IFT81: variants seen among roughly 807,000 people sequenced by gnomAD.
The protein encoded by IFT81 is intraflagellar transport protein 81 homolog.
Under a neutral mutation model 102.6 loss-of-function variants are expected in IFT81, and 72 were observed. That is an observed-to-expected ratio of 0.70 (90% CI 0.58 to 0.85). The LOEUF is 0.85. IFT81 is among the 40% of genes least tolerant of loss of function. IFT81 has a pLI of 0.00. For missense variants in IFT81, 723 were observed against 787.3 expected (o/e 0.92, Z 0.98); for synonymous variants, 237 against 242.7 (o/e 0.98, Z 0.22).
intron 12 of IFT81, among the ~76,000 whole-genome samples, chr12:110,183,523 G>T: frequency 6.6e-6 from 1 of 152,212 alleles, no homozygotes; most frequent in East Asian, 1.9e-4. Flanking sequence ...CATTCTGTTT[G>T]TGAGTCCATT....
At chr12:110,209,642 G>A (rs1041349697) in intron 18 of IFT81, among the ~76,000 whole-genome samples, 1 of 151,720 alleles carries the variant, frequency 6.6e-6, no homozygotes, top group Non-Finnish European at 1.5e-5. Context: ...GGTGGCAGGC[G>A]CCTGTAATCC....
At chr12:110,151,672 G>A (rs1895537381) in intron 10 of IFT81, among the ~76,000 whole-genome samples, 1 of 152,046 alleles carries the variant, frequency 6.6e-6, no homozygotes, top group South Asian at 2.1e-4. Context: ...TTTGTGGTGA[G>A]AACACTTAAC....
chr12:110,179,771 T>TACAC (rs1180642058), intron 11 of IFT81, among the ~76,000 whole-genome samples: 48 of 52,670 alleles, frequency 9.1e-4, no homozygotes, highest in Non-Finnish European at 1.5e-3. Context: ...TATATATATA[T>TACAC]ATACACACAC....
intron 14 of IFT81, among the ~76,000 whole-genome samples, chr12:110,196,438 T>G (rs1052755820): frequency 2.0e-5 from 3 of 152,220 alleles, no homozygotes; most frequent in African/African-American, 7.2e-5. Context: ...CAGAATCGCT[T>G]GAACCTGGGA....
chr12:110,134,266 T>C (rs1030524352), intron 5 of IFT81, among the ~76,000 whole-genome samples: 5 of 152,202 alleles, frequency 3.3e-5, no homozygotes, highest in Non-Finnish European at 7.3e-5. Flanking sequence ...CGGTAATGAG[T>C]AAGAGTGCCC....
At chr12:110,149,409 A>C (rs1047804793) in intron 10 of IFT81, among the ~76,000 whole-genome samples, 4 of 152,134 alleles carry the variant, frequency 2.6e-5, no homozygotes, top group African/African-American at 9.7e-5. Flanking sequence ...CGGAAGCCCC[A>C]GTGGGCATGT....
intron 3 of IFT81, 72 bp downstream of exon 3, chr12:110,128,221 A>G (rs1234403043): frequency 6.6e-6 from 6 of 903,630 alleles, no homozygotes; most frequent in East Asian, 2.5e-5. Flanking sequence ...ACTGCAATCA[A>G]TCTTTGTAGG....
In IFT81 at chr12:110,164,364, A is replaced by G. The variant is rs117525929; in HGVS notation, c.1188+1299A>G. ...GGAATGAATGAATAAATGAAGTCAA[A>G]TATCTTAGTTTAGTGCTTTTTTAGC... is the stretch of plus-strand genomic sequence containing the variant. On this transcript the variant is annotated intron_variant, in intron 11 of 18. Coordinates refer to ENST00000242591, the MANE Select transcript of IFT81 (RefSeq NM_014055.4). 3.9e-5 allele frequency among the ~76,000 whole-genome samples: 6 copies of G among 152,248 alleles called. No individual in the cohort carries two copies. The East Asian group carries it at 1.2e-3, about 29-fold the overall frequency.
chr12:110,136,478 C>T (rs1894517830), intron 7 of IFT81, among the ~76,000 whole-genome samples: 1 of 152,146 alleles, frequency 6.6e-6, no homozygotes, highest in African/African-American at 2.4e-5. Context: ...TTAAGAAAAC[C>T]ATGTATAACA....
chr12:110,203,001 C>T (rs1566167489), intron 14 of IFT81, among the ~76,000 whole-genome samples: 1 of 152,138 alleles, frequency 6.6e-6, no homozygotes, highest in African/African-American at 2.4e-5. Context: ...TGCGGTGGCT[C>T]ACGCTTGTAA....
intron 10 of IFT81, among the ~76,000 whole-genome samples, chr12:110,148,303 AT>A (rs961475694): frequency 6.7e-6 from 1 of 148,742 alleles, no homozygotes; most frequent in African/African-American, 2.5e-5. Context: ...ATCTGGTTTG[AT>A]TTTTTTTTGG....
intron 12 of IFT81, among the ~76,000 whole-genome samples, chr12:110,180,843 A>T (rs982543181): frequency 1.3e-5 from 2 of 152,212 alleles, no homozygotes; most frequent in Non-Finnish European, 2.9e-5. Context: ...TAATATGAGT[A>T]AAATTATCAT....
chr12:110,199,767 A>G (rs1898180026), intron 14 of IFT81, among the ~76,000 whole-genome samples: 1 of 152,158 alleles, frequency 6.6e-6, no homozygotes, highest in South Asian at 2.1e-4. Flanking sequence ...GCAGTCCCAC[A>G]CAACAAAGGC....
At chr12:110,217,581 G>A (rs1003859169) in intron 18 of IFT81, among the ~76,000 whole-genome samples, 2 of 151,748 alleles carry the variant, frequency 1.3e-5, no homozygotes, top group Middle Eastern at 6.8e-3. Flanking sequence ...TATTTTCTTT[G>A]AGACAGAGTC....
chr12:110,161,609 AT>A (rs1200318803), intron 10 of IFT81, among the ~76,000 whole-genome samples: 9 of 148,178 alleles, frequency 6.1e-5, no homozygotes, highest in East Asian at 2.0e-4. Context: ...ACACTCAGCT[AT>A]TTTTTTTTTA....
intron 17 of IFT81, among the ~76,000 whole-genome samples, chr12:110,206,605 G>A (rs1310595889): frequency 2.0e-5 from 3 of 151,584 alleles, no homozygotes; most frequent in Non-Finnish European, 2.9e-5. Flanking sequence ...AACCCGGGGA[G>A]CAGGGGCTGC....
At chr12:110,171,613 T>C (rs1896732447) in intron 11 of IFT81, among the ~76,000 whole-genome samples, 1 of 152,228 alleles carries the variant, frequency 6.6e-6, no homozygotes, top group Admixed American at 6.5e-5. Flanking sequence ...GTTAGAATAG[T>C]ATTTTTATGT....
In IFT81 at chr12:110,218,455, C is replaced by CT; in HGVS notation, c.*230dup. ...ATAGTTTAGACATCACTGGCGTCTT[C>CT]TGAGTTTTATGAGACAGGAAACTAA... On this transcript the variant is annotated 3_prime_UTR_variant, in exon 19 of 19. Coordinates refer to ENST00000242591, the MANE Select transcript of IFT81 (RefSeq NM_014055.4). 2 of 344,022 alleles carry CT rather than the reference C, an allele frequency of 5.8e-6. No homozygotes were observed. Among genetic ancestry groups the CT allele is most frequent in the Non-Finnish European group, 1.0e-5 (2 of 192,962 alleles). The allele number at this position is 344,022 out of a possible 1,614,324, so 21.3% of individuals were successfully genotyped here. A position where few individuals can be genotyped will look rare whatever the true frequency, so the allele number is the denominator to read the frequency against.
At chr12:110,211,301 C>T (rs1396478466) in intron 18 of IFT81, among the ~76,000 whole-genome samples, 1 of 151,904 alleles carries the variant, frequency 6.6e-6, no homozygotes, top group African/African-American at 2.4e-5. Flanking sequence ...GCGATCCTCC[C>T]GCCTCAGCGG....
Sources: allele counts gnomAD v4.1 joint callset (sites outside exome capture counted in the v4.1 genomes callset), GRCh38; gene constraint gnomAD v4.1.1; transcripts MANE v1.5; gene names NCBI Gene and HGNC (gene_info 2026-07-23, HGNC 2026-07-21).